ANO6: variants seen among roughly 807,000 people sequenced by gnomAD.
The protein encoded by ANO6 is anoctamin 6.
ANO6 carries 106 observed loss-of-function variants against 117.5 expected under a neutral mutation model. The ratio of observed to expected loss-of-function variants is 0.90; its 90% CI spans 0.77 to 1.06. ANO6 has a LOEUF of 1.06. ANO6 is among the 50% of genes least tolerant of loss of function. ANO6 has a pLI of 0.00. For missense variants in ANO6, 955 were observed against 1,121.1 expected (o/e 0.85, Z 2.12); for synonymous variants, 367 against 385.1 (o/e 0.95, Z 0.55).
At chr12:45,402,791 A>C (rs1478656929) in intron 13 of ANO6, among the ~76,000 whole-genome samples, 3 of 152,212 alleles carry the variant, frequency 2.0e-5, no homozygotes, top group Non-Finnish European at 4.4e-5. Flanking sequence ...ATTTGATAAC[A>C]CTGGACTTGT....
intron 10 of ANO6, among the ~76,000 whole-genome samples, chr12:45,384,095 A>T (rs893867094): frequency 3.3e-5 from 5 of 152,222 alleles, no homozygotes; most frequent in African/African-American, 1.2e-4. Flanking sequence ...TTCACCTTGC[A>T]CTTCTATGCT....
At chr12:45,374,939 G>A (rs1941961183) in intron 9 of ANO6, among the ~76,000 whole-genome samples, 1 of 151,806 alleles carries the variant, frequency 6.6e-6, no homozygotes, top group Non-Finnish European at 1.5e-5. Context: ...CGACATGATT[G>A]TATATCTAGA....
intron 8 of ANO6, among the ~76,000 whole-genome samples, chr12:45,362,243 C>A (rs539477075): frequency 5.3e-5 from 8 of 152,012 alleles, no homozygotes; most frequent in South Asian, 2.1e-4. Context: ...TCTAGGAATT[C>A]TTCCATTTTA....
At chr12:45,254,108 A>C (rs1937724507) in intron 1 of ANO6, among the ~76,000 whole-genome samples, 1 of 152,224 alleles carries the variant, frequency 6.6e-6, no homozygotes, top group African/African-American at 2.4e-5. Context: ...CGGAGGTTGC[A>C]GTGAGCCGAG....
At chr12:45,398,851 A>T (rs1369965927) in intron 12 of ANO6, among the ~76,000 whole-genome samples, 1 of 152,126 alleles carries the variant, frequency 6.6e-6, no homozygotes, top group African/African-American at 2.4e-5. Context: ...TAGTAGATAA[A>T]TTTTTTCCTA....
chr12:45,276,334 G>C (rs10467095), intron 1 of ANO6, among the ~76,000 whole-genome samples: 139,930 of 152,162 alleles, frequency 0.92, 65,505 homozygotes, highest in East Asian at 1. Flanking sequence ...CTCTGTGATG[G>C]TGTGGTGCCA....
intron 1 of ANO6, among the ~76,000 whole-genome samples, chr12:45,278,121 A>C (rs112298133): frequency 1.4e-4 from 21 of 151,858 alleles, no homozygotes; most frequent in Non-Finnish European, 2.9e-4. Context: ...ACACCTGGCT[A>C]ATTTTTAAAT....
intron 19 of ANO6, among the ~76,000 whole-genome samples, chr12:45,424,327 G>GGTTTTTTT (rs1943439717): frequency 4.9e-5 from 4 of 81,272 alleles, no homozygotes; most frequent in African/African-American, 2.0e-4. Flanking sequence ...TAGGTGATGG[G>GGTTTTTTT]TTTTTTTTTT....
chr12:45,220,199 A>G (rs1286029221), intron 1 of ANO6, among the ~76,000 whole-genome samples: 1 of 152,204 alleles, frequency 6.6e-6, no homozygotes, highest in Non-Finnish European at 1.5e-5. Flanking sequence ...ATCAGGAACT[A>G]TTCAGACTGT....
chr12:45,422,872 C>A, intron 18 of ANO6, 85 bp from the exon 19 acceptor site: 1 of 1,060,142 alleles, frequency 9.4e-7, no homozygotes, highest in Non-Finnish European at 1.5e-6. Context: ...CTGCACCCGG[C>A]ATGACCTCTT....
chr12:45,310,595 G>C (rs917971202), intron 2 of ANO6, among the ~76,000 whole-genome samples: 1 of 152,078 alleles, frequency 6.6e-6, no homozygotes, highest in African/African-American at 2.4e-5. Flanking sequence ...TTCTGTTAGT[G>C]AAAGTGAACT....
chr12:45,360,357 A>G (rs1292595487), intron 8 of ANO6, among the ~76,000 whole-genome samples: 3 of 152,240 alleles, frequency 2.0e-5, no homozygotes, highest in African/African-American at 7.2e-5. Context: ...AGCAGAAGGC[A>G]TAAGGGCAAG....
intron 8 of ANO6, among the ~76,000 whole-genome samples, chr12:45,360,763 T>C (rs1941534592): frequency 6.6e-6 from 1 of 152,200 alleles, no homozygotes; most frequent in Non-Finnish European, 1.5e-5. Flanking sequence ...TTTGAGTTAA[T>C]TTTTGTAAAT....
intron 19 of ANO6, among the ~76,000 whole-genome samples, chr12:45,425,712 C>G (rs1565774403): frequency 6.6e-6 from 1 of 152,194 alleles, no homozygotes; most frequent in Non-Finnish European, 1.5e-5. Context: ...CAGATCATTT[C>G]AATCCTATAC....
intron 3 of ANO6, among the ~76,000 whole-genome samples, chr12:45,343,261 C>G (rs144511413): frequency 1.3e-5 from 2 of 152,296 alleles, no homozygotes; most frequent in African/African-American, 4.8e-5. Context: ...CATCAAGCCA[C>G]TGGAGAAGAC....
intron 12 of ANO6, among the ~76,000 whole-genome samples, chr12:45,399,444 G>A (rs182969127): frequency 2.4e-4 from 36 of 152,014 alleles, no homozygotes; most frequent in East Asian, 2.3e-3. Flanking sequence ...TCTGCCCGCC[G>A]CAGCCCCTCA....
At chr12:45,317,109 A>ATGTG (rs1219061656) in intron 2 of ANO6, among the ~76,000 whole-genome samples, 1 of 39,960 alleles carries the variant, frequency 2.5e-5, no homozygotes, top group South Asian at 1.1e-3. Flanking sequence ...GATTCTTTTT[A>ATGTG]TATGTATATA....
chr12:45,308,048 A>ATTTTTTGTTTTTTTTT (rs1939729205), intron 2 of ANO6, among the ~76,000 whole-genome samples: 1 of 69,298 alleles, frequency 1.4e-5, no homozygotes. Context: ...TGTGTGTGTA[A>ATTTTTTGTTTTTTTTT]TTTTTTTTTT....
At chr12:45,235,565 C>T (rs1947633085) in intron 1 of ANO6, among the ~76,000 whole-genome samples, 1 of 152,156 alleles carries the variant, frequency 6.6e-6, no homozygotes, top group East Asian at 1.9e-4. Context: ...AGTTGAGTGG[C>T]ATGACATCTG....
Sources: gnomAD v4.1 joint callset for allele counts (sites outside exome capture counted in the v4.1 genomes callset) on GRCh38, gnomAD v4.1.1 for gene constraint, MANE v1.5 for transcripts, NCBI Gene and HGNC (gene_info 2026-07-23, HGNC 2026-07-21) for gene names.